Variants in LTBP1 observed in about 807,000 individuals in gnomAD.
LTBP1 encodes latent-transforming growth factor beta-binding protein 1.
LTBP1 carries 129 observed loss-of-function variants against 207.6 expected under a neutral mutation model. The observed-to-expected ratio is 0.62, with a 90% confidence interval of 0.54 to 0.72. LTBP1 has a LOEUF of 0.72. Among genes scored for constraint, LTBP1 ranks in the 30% least tolerant of loss-of-function variants. The pLI is 0.00. For missense variants in LTBP1, 2,281 were observed against 2,217.2 expected (o/e 1.03, Z -0.58); for synonymous variants, 963 against 833.7 (o/e 1.16, Z -2.67).
At chr2:33,275,206 A>T (rs968016942) in intron 17 of LTBP1, 116 bp downstream of exon 17, 4 of 1,224,518 alleles carry the variant, frequency 3.3e-6, no homozygotes, top group Non-Finnish European at 4.5e-6. Context: ...TTAAACAATT[A>T]TCATGACAGC....
At chr2:33,252,320 A>T (rs1193833611) in intron 10 of LTBP1, among the ~76,000 whole-genome samples, 1 of 152,246 alleles carries the variant, frequency 6.6e-6, no homozygotes, top group African/African-American at 2.4e-5. Flanking sequence ...CTGTGGTTAA[A>T]TATAGAAAAC....
At chr2:33,161,978 G>A (rs1173579158) in intron 5 of LTBP1, among the ~76,000 whole-genome samples, 1 of 152,228 alleles carries the variant, frequency 6.6e-6, no homozygotes, top group Non-Finnish European at 1.5e-5. Flanking sequence ...ATGCTTGCTA[G>A]CATTTTGTGA....
chr2:33,101,877 A>G (rs577899889), intron 3 of LTBP1, among the ~76,000 whole-genome samples: 14 of 152,294 alleles, frequency 9.2e-5, no homozygotes, highest in South Asian at 8.3e-4. Context: ...ACTCAGTTCA[A>G]GGTTTTGATG....
intron 3 of LTBP1, 88 bp downstream of exon 3, chr2:33,021,294 C>A: frequency 8.0e-7 from 1 of 1,246,888 alleles, no homozygotes; most frequent in Non-Finnish European, 1.1e-6. Flanking sequence ...CTTTCCTGCA[C>A]AATTTGCAGA....
At chr2:33,356,956 G>A (rs903402958) in intron 26 of LTBP1, among the ~76,000 whole-genome samples, 1 of 152,190 alleles carries the variant, frequency 6.6e-6, no homozygotes, top group African/African-American at 2.4e-5. Flanking sequence ...TGTATTAGCA[G>A]TGTTACTCTT....
intron 2 of LTBP1, among the ~76,000 whole-genome samples, chr2:32,995,395 C>T (rs1205838805): frequency 1.3e-5 from 2 of 152,148 alleles, no homozygotes; most frequent in Admixed American, 1.3e-4. Context: ...TGATGCTGTG[C>T]TACTGGTCTT....
rs755727296 is a variant in LTBP1 at position 32,976,148 on chromosome 2, A to C, written c.565+27203A>C. 1.7e-3 allele frequency among the ~76,000 whole-genome samples: 252 copies of C among 152,166 alleles called. 4 individuals are homozygous for C. The highest frequency in any genetic ancestry group is 1.1e-3 in the Non-Finnish European group (78 of 68,026). Reference sequence around the variant, plus strand: ...AAAGTGGGTTCAGTTGACTAGGTTCAGTTGACTACTATGCTGTGTGCTCTA... The same window carrying C: ...AAAGTGGGTTCAGTTGACTAGGTTCCGTTGACTACTATGCTGTGTGCTCTA... On this transcript the variant is annotated intron_variant, in intron 2 of 33. Coordinates refer to ENST00000404816, the MANE Select transcript of LTBP1 (RefSeq NM_206943.4).
chr2:33,194,435 T>C (rs2088303996), intron 7 of LTBP1, among the ~76,000 whole-genome samples: 1 of 152,232 alleles, frequency 6.6e-6, no homozygotes, highest in Non-Finnish European at 1.5e-5. Flanking sequence ...TTAAAAGTGC[T>C]ACTCCAGAGA....
At chr2:33,243,918 C>T (rs1337440236) in intron 10 of LTBP1, 134 bp downstream of exon 10, 2 of 955,130 alleles carry the variant, frequency 2.1e-6, no homozygotes, top group East Asian at 2.5e-5. Flanking sequence ...AAATAACAAG[C>T]AAGGGGCCTG....
At chr2:33,021,571 A>T (rs566204897) in intron 3 of LTBP1, among the ~76,000 whole-genome samples, 1 of 152,288 alleles carries the variant, frequency 6.6e-6, no homozygotes, top group Non-Finnish European at 1.5e-5. Flanking sequence ...ATAATAATTT[A>T]AAAAAAGAAA....
chr2:33,202,985 T>A lies in LTBP1; in HGVS notation c.1701+14134T>A, dbSNP rs183692248. Among the ~76,000 whole-genome samples, 38 of 152,358 alleles carry A rather than the reference T, an allele frequency of 2.5e-4. No homozygotes were observed. The East Asian group carries it at 6.0e-3, about 24-fold the overall frequency. The stretch of plus-strand genomic sequence containing the variant: ...GAATAAGTCATTAACACCAGGCACT[T>A]CCTATGCCATCTGGGCTTTTCTTCA... On this transcript the variant is annotated intron_variant, in intron 7 of 33. Transcript: ENST00000404816.
chr2:33,088,873 A>G (rs999394507), intron 3 of LTBP1, among the ~76,000 whole-genome samples: 9 of 152,106 alleles, frequency 5.9e-5, no homozygotes, highest in Non-Finnish European at 1.3e-4. Context: ...AATGCGTGAC[A>G]GGCTGGGTAC....
Position 33,020,955 on chromosome 2 carries a change from A to T in LTBP1, c.612A>T (p.Pro204=), listed in dbSNP as rs1036911938. 12 of 1,606,004 alleles carry T rather than the reference A, an allele frequency of 7.5e-6. No homozygotes were observed. The Admixed American group carries it at 1.7e-4, about 22-fold the overall frequency. The change falls in exon 3 of 34, where the codon CCA becomes CCT. Residue 204 remains proline (P), a synonymous_variant. Coordinates refer to ENST00000404816, the MANE Select transcript of LTBP1 (RefSeq NM_206943.4). The part of the protein sequence containing the change: ...PCQNGGMCLR[P]QLCVCKPGTK... ...AGAATGGAGGGATGTGTCTCCGGCC[A>T]CAACTCTGTGTGTGTAAACCAGGGA...
At chr2:33,187,605 G>A (rs2087349976) in intron 6 of LTBP1, among the ~76,000 whole-genome samples, 1 of 152,108 alleles carries the variant, frequency 6.6e-6, no homozygotes, top group Non-Finnish European at 1.5e-5. Context: ...TTTAAACCTG[G>A]CATTTTTATA....
intron 33 of LTBP1, 58 bp downstream of exon 33, chr2:33,397,340 G>T: frequency 2.5e-6 from 4 of 1,582,556 alleles, no homozygotes; most frequent in Non-Finnish European, 3.5e-6. Context: ...CCGTATCTCA[G>T]TCAGTAGAGA....
At chr2:33,334,774 A>G (rs1046679931) in intron 24 of LTBP1, among the ~76,000 whole-genome samples, 1 of 152,138 alleles carries the variant, frequency 6.6e-6, no homozygotes, top group Non-Finnish European at 1.5e-5. Context: ...TAATTTTTAC[A>G]GAATAATTTA....
intron 3 of LTBP1, among the ~76,000 whole-genome samples, chr2:33,057,904 C>G (rs2077083310): frequency 6.6e-6 from 1 of 152,250 alleles, no homozygotes; most frequent in African/African-American, 2.4e-5. Flanking sequence ...AAGGGCTCCT[C>G]AAGCACGGCC....
chr2:33,328,866 T>C (rs527561511), intron 24 of LTBP1, among the ~76,000 whole-genome samples: 5 of 152,342 alleles, frequency 3.3e-5, no homozygotes, highest in African/African-American at 1.2e-4. Flanking sequence ...TAGTAGTCCA[T>C]TTATTTTCAT....
chr2:33,018,370 C>T (rs548926170), intron 2 of LTBP1, among the ~76,000 whole-genome samples: 1 of 152,152 alleles, frequency 6.6e-6, no homozygotes, highest in Admixed American at 6.5e-5. Context: ...AACACATTTG[C>T]AGTGTACCTT....
Sources: allele counts gnomAD v4.1 joint callset (sites outside exome capture counted in the v4.1 genomes callset), GRCh38; gene constraint gnomAD v4.1.1; transcripts MANE v1.5; gene names NCBI Gene and HGNC (gene_info 2026-07-23, HGNC 2026-07-21).